The following NEDD4L variants were observed in gnomAD, a reference collection of about 807,000 sequenced individuals.
NEDD4L encodes the protein NEDD4 like E3 ubiquitin protein ligase.
A neutral mutation model predicts 148.9 loss-of-function variants in NEDD4L; 54 were observed. That is an observed-to-expected ratio of 0.36 (90% CI 0.29 to 0.45). NEDD4L has a LOEUF of 0.45. NEDD4L is among the 20% of genes least tolerant of loss of function. The pLI is 1.00. For missense variants in NEDD4L, 856 were observed against 1,233.8 expected (o/e 0.69, Z 4.59); for synonymous variants, 433 against 440.7 (o/e 0.98, Z 0.22).
chr18:58,329,048 C>T lies in NEDD4L; in HGVS notation c.734C>T (p.Ala245Val). The change falls in exon 10 of 31, where the codon GCA becomes GTA. Residue 245 changes from alanine (A) to valine (V), a missense_variant. Ala to Val is a moderately conservative substitution (Grantham distance 64). Transcript: ENST00000400345. ...NNIRQINQEAAHRRFRSRRHI... is the reference protein window; with the variant it reads ...NNIRQINQEAVHRRFRSRRHI... ...ATCAGACAGATCAACCAGGAGGCAG[C>T]ACACCGGCGCTTCCGCTCCCGCAGG... 6.2e-7 allele frequency: 1 copy of T among 1,614,038 alleles called. No homozygotes were observed. Among genetic ancestry groups the T allele is most frequent in the Non-Finnish European group, 8.5e-7 (1 of 1,179,880 alleles).
intron 3 of NEDD4L, among the ~76,000 whole-genome samples, chr18:58,248,134 G>T (rs1366961358): frequency 2.6e-5 from 4 of 152,150 alleles, no homozygotes; most frequent in African/African-American, 7.2e-5. Flanking sequence ...TCTTTAAGAG[G>T]CTTATGCATG....
At chr18:58,152,248 G>A (rs2034872592) in intron 1 of NEDD4L, among the ~76,000 whole-genome samples, 1 of 152,184 alleles carries the variant, frequency 6.6e-6, no homozygotes, top group Admixed American at 6.5e-5. Flanking sequence ...GAAACAGCAA[G>A]GCTTGGGAAC....
intron 2 of NEDD4L, among the ~76,000 whole-genome samples, chr18:58,219,378 T>C (rs568306873): frequency 6.6e-6 from 1 of 152,328 alleles, no homozygotes; most frequent in South Asian, 2.1e-4. Flanking sequence ...GGAATGGTTA[T>C]TAGAAATGTC....
intron 2 of NEDD4L, among the ~76,000 whole-genome samples, chr18:58,230,126 G>A (rs576540880): frequency 4.6e-5 from 7 of 152,296 alleles, no homozygotes; most frequent in African/African-American, 1.4e-4. Flanking sequence ...TGCATAGTGA[G>A]CTGAAGATCT....
chr18:58,255,939 C>T (rs2048471153), intron 5 of NEDD4L: 1 of 1,231,246 alleles, frequency 8.1e-7, no homozygotes, highest in Non-Finnish European at 1.0e-6. Context: ...CGCAAGGCCA[C>T]GGACGGGGCC....
At chr18:58,179,061 G>A (rs563098410) in intron 2 of NEDD4L, among the ~76,000 whole-genome samples, 20 of 152,298 alleles carry the variant, frequency 1.3e-4, no homozygotes, top group Admixed American at 9.8e-4. Context: ...CTTGAATCAC[G>A]TGCGAGTTCA....
chr18:58,110,988 C>A (rs1473456791), intron 1 of NEDD4L, among the ~76,000 whole-genome samples: 1 of 152,182 alleles, frequency 6.6e-6, no homozygotes, highest in African/African-American at 2.4e-5. Context: ...ACATACCTTA[C>A]AATTCACCCA....
intron 4 of NEDD4L, 88 bp downstream of exon 4, chr18:58,249,025 A>T (rs1247741982): frequency 1.5e-6 from 1 of 649,058 alleles, no homozygotes; most frequent in African/African-American, 1.9e-5. Context: ...AAGCTCTTAA[A>T]TTTTTAATGA....
chr18:58,089,243 C>T (rs1282272478), intron 1 of NEDD4L, among the ~76,000 whole-genome samples: 2 of 148,510 alleles, frequency 1.3e-5, no homozygotes, highest in African/African-American at 5.0e-5. Flanking sequence ...AAGCGATTCT[C>T]CTGCCTCAGC....
At chr18:58,242,460 G>A (rs2046749369) in intron 2 of NEDD4L, among the ~76,000 whole-genome samples, 1 of 152,068 alleles carries the variant, frequency 6.6e-6, no homozygotes, top group South Asian at 2.1e-4. Flanking sequence ...AGAGCAATCT[G>A]GGCACCCGTT....
intron 2 of NEDD4L, among the ~76,000 whole-genome samples, chr18:58,167,473 C>G (rs1315426470): frequency 2.0e-5 from 3 of 152,160 alleles, no homozygotes; most frequent in East Asian, 1.9e-4. Flanking sequence ...TTCCATGAAG[C>G]CTGTCAAGAA....
intron 1 of NEDD4L, among the ~76,000 whole-genome samples, chr18:58,118,713 A>T (rs2086022256): frequency 6.6e-6 from 1 of 152,030 alleles, no homozygotes; most frequent in African/African-American, 2.4e-5. Context: ...TACTTACCAA[A>T]TCACTAGAGC....
chr18:58,177,324 C>T (rs1010148930), intron 2 of NEDD4L, among the ~76,000 whole-genome samples: 1 of 152,040 alleles, frequency 6.6e-6, no homozygotes, highest in Non-Finnish European at 1.5e-5. Flanking sequence ...AGGTTGCCAA[C>T]TTGAGATGAG....
intron 2 of NEDD4L, among the ~76,000 whole-genome samples, chr18:58,234,097 C>CTTTCTTTCTTTTCTTTTCT (rs1483373337): frequency 6.5e-4 from 54 of 83,382 alleles, no homozygotes; most frequent in African/African-American, 3.2e-3. Flanking sequence ...TTCTTTCTTT[C>CTTTCTTTCTTTTCTTTTCT]TTTCTTTTCT....
chr18:58,221,621 C>T lies in NEDD4L; in HGVS notation c.123-23806C>T, dbSNP rs3809969. The T allele has an allele frequency of 7.6e-3, 7,504 of 985,320 alleles. 327 individuals are homozygous for T. In the African/African-American group the frequency reaches 0.1, roughly 13 times the overall value. 61.0% of individuals were successfully genotyped at this position (985,320 alleles called of 1,614,324 possible). ...CCCCCGGTATCAGCAGAGGTGTGTA[C>T]GGGCACTGCTTTAAAACTGGGAAGG... is the stretch of plus-strand genomic sequence containing the variant. On this transcript the variant is annotated intron_variant, in intron 2 of 30. Coordinates refer to ENST00000400345, the MANE Select transcript of NEDD4L (RefSeq NM_001144967.3).
chr18:58,259,785 T>C (rs1265286118), intron 5 of NEDD4L, among the ~76,000 whole-genome samples: 1 of 152,194 alleles, frequency 6.6e-6, no homozygotes, highest in African/African-American at 2.4e-5. Context: ...GAAGAGAGCG[T>C]TCTTTCAGCT....
chr18:58,206,346 A>T (rs2041986868), intron 2 of NEDD4L, among the ~76,000 whole-genome samples: 1 of 152,162 alleles, frequency 6.6e-6, no homozygotes, highest in South Asian at 2.1e-4. Flanking sequence ...CTGAGATCGC[A>T]CCACTGCACT....
intron 24 of NEDD4L, among the ~76,000 whole-genome samples, chr18:58,375,836 G>C (rs1242466053): frequency 6.6e-6 from 1 of 152,172 alleles, no homozygotes. Context: ...GAAATCCTAA[G>C]TGTGAGAAAA....
chr18:58,094,676 C>T (rs2084276728), intron 1 of NEDD4L, among the ~76,000 whole-genome samples: 1 of 152,136 alleles, frequency 6.6e-6, no homozygotes, highest in Non-Finnish European at 1.5e-5. Context: ...TCTCCATGGA[C>T]TCCACCCCTG....
Sources: gnomAD v4.1 joint callset for allele counts (sites outside exome capture counted in the v4.1 genomes callset) on GRCh38, gnomAD v4.1.1 for gene constraint, MANE v1.5 for transcripts, NCBI Gene and HGNC (gene_info 2026-07-23, HGNC 2026-07-21) for gene names.